ACTA2: variants seen among roughly 807,000 people sequenced by gnomAD.
ACTA2 encodes the protein actin alpha 2, smooth muscle, also known as actin, aortic smooth muscle.
Under a neutral mutation model 39.5 loss-of-function variants are expected in ACTA2, and 12 were observed. The ratio of observed to expected loss-of-function variants is 0.30; its 90% CI spans 0.19 to 0.49. ACTA2 has a LOEUF of 0.49. Among genes scored for constraint, ACTA2 ranks in the 20% least tolerant of loss-of-function variants. The probability of loss-of-function intolerance (pLI) is 0.99; values close to 1 mark genes in which losing one functional copy is unlikely to be tolerated. For synonymous variants in ACTA2, 158 were observed against 180.6 expected (o/e 0.88, Z 1.00); for missense variants, 236 against 498.8 (o/e 0.47, Z 5.02).
chr10:88,956,578 T>A (rs757866473), upstream of ACTA2, among the ~76,000 whole-genome samples: 1 of 152,308 alleles, frequency 6.6e-6, no homozygotes, highest in Non-Finnish European at 1.5e-5. Context: ...TTTAGGGGAT[T>A]AGTAGGTGAA....
At chr10:88,949,593 C>T (rs970480364) in intron 1 of ACTA2, among the ~76,000 whole-genome samples, 3 of 152,014 alleles carry the variant, frequency 2.0e-5, no homozygotes, top group Admixed American at 6.6e-5. Flanking sequence ...AATTATCCAC[C>T]GTTAATAAAA....
At chr10:88,978,723 G>C (rs902780160) in intron 1 of ACTA2, among the ~76,000 whole-genome samples, 1 of 152,080 alleles carries the variant, frequency 6.6e-6, no homozygotes, top group Non-Finnish European at 1.5e-5. Context: ...TAGGTGTCTG[G>C]GTCACCCTGA....
chr10:88,959,223 T>TG (rs1846188442), intron 1 of ACTA2, among the ~76,000 whole-genome samples: 1 of 152,190 alleles, frequency 6.6e-6, no homozygotes, highest in African/African-American at 2.4e-5. Flanking sequence ...ACTTCCATAT[T>TG]GGACAGCACA....
intron 1 of ACTA2, among the ~76,000 whole-genome samples, chr10:88,976,939 G>A (rs1846578395): frequency 6.6e-6 from 1 of 152,172 alleles, no homozygotes; most frequent in African/African-American, 2.4e-5. Context: ...CTTATATCTG[G>A]TGAAGGTAAT....
chr10:88,945,361 C>T (rs895153220), intron 3 of ACTA2, among the ~76,000 whole-genome samples: 1 of 152,204 alleles, frequency 6.6e-6, no homozygotes, highest in African/African-American at 2.4e-5. Context: ...TGGAGCATTA[C>T]TGCTGATAAA....
intron 1 of ACTA2, chr10:88,974,389 A>G (rs1316664344): frequency 6.6e-6 from 1 of 152,238 alleles, no homozygotes; most frequent in Non-Finnish European, 1.5e-5. Context: ...TAAAAGTGAT[A>G]TTGAAACTAA....
In ACTA2 at chr10:88,947,315, C is replaced by T; in HGVS notation, c.201G>A (p.Leu67=). 1 of 1,613,980 alleles carries T rather than the reference C, an allele frequency of 6.2e-7. No individual in the cohort carries two copies. The highest frequency in any genetic ancestry group is 2.2e-5 in the East Asian group (1 of 44,866). ...CATGTTCTATCGGGTACTTCAGGGT[C>T]AGGATTCCTCTTTTGCTCTGTGCTT... ...GDEAQSKRGI[L]TLKYPIEHGI... Residue 67 remains leucine, a synonymous_variant, in exon 3 of 9, where the codon CTG becomes CTA. Coordinates refer to ENST00000224784, the MANE Select transcript of ACTA2 (RefSeq NM_001613.4).
chr10:88,987,977 G>A (rs995964360), intron 1 of ACTA2, among the ~76,000 whole-genome samples: 1 of 152,178 alleles, frequency 6.6e-6, no homozygotes, highest in Admixed American at 6.5e-5. Flanking sequence ...CTTCCACTGA[G>A]TGAGTGAGAA....
intron 1 of ACTA2, among the ~76,000 whole-genome samples, chr10:88,958,755 TG>T (rs1846178394): frequency 6.6e-6 from 1 of 152,192 alleles, no homozygotes; most frequent in South Asian, 2.1e-4. Flanking sequence ...TAGACCCAAC[TG>T]CCCCAGCTTC....
In ACTA2 at chr10:88,938,403, A is replaced by C. The variant is rs568762008; in HGVS notation, c.809-161T>G. The C allele has an allele frequency of 7.7e-5, 59 of 770,962 alleles. No homozygotes were observed. The African/African-American group carries it at 8.8e-4, about 11-fold the overall frequency. 47.8% of individuals were successfully genotyped at this position (770,962 alleles called of 1,614,324 possible). On this transcript the variant is annotated intron_variant, in intron 7 of 8. Transcript: ENST00000224784. ...GTCTGAGAGACAAAAGGGTCTTGTTATGCTCTATGTCTTCCTGCCTGCCTT... is the reference window on the plus strand; with the variant it reads ...GTCTGAGAGACAAAAGGGTCTTGTTCTGCTCTATGTCTTCCTGCCTGCCTT...
At chr10:88,966,390 T>C (rs1564654816) in intron 1 of ACTA2, among the ~76,000 whole-genome samples, 1 of 152,202 alleles carries the variant, frequency 6.6e-6, no homozygotes, top group African/African-American at 2.4e-5. Context: ...TGATTGTCTG[T>C]GTGGCTTTGA....
chr10:88,962,572 A>G, intron 1 of ACTA2, among the ~76,000 whole-genome samples: 1 of 152,148 alleles, frequency 6.6e-6, no homozygotes, highest in East Asian at 1.9e-4. Flanking sequence ...GCTCTTGGCT[A>G]ATTGTCTTTG....
chr10:88,985,637 TA>T (rs1056543982), intron 1 of ACTA2, among the ~76,000 whole-genome samples: 1 of 152,122 alleles, frequency 6.6e-6, no homozygotes, highest in Non-Finnish European at 1.5e-5. Flanking sequence ...GGTGCCCTGG[TA>T]AAGAGTCCCC....
chr10:88,965,693 C>A (rs1387082804), intron 1 of ACTA2, among the ~76,000 whole-genome samples: 1 of 152,142 alleles, frequency 6.6e-6, no homozygotes, highest in Non-Finnish European at 1.5e-5. Context: ...GACCATCATG[C>A]TTTCCCCTGC....
In ACTA2 at chr10:88,935,132, G is replaced by T; in HGVS notation, c.*91C>A. On this transcript the variant is annotated 3_prime_UTR_variant, in exon 9 of 9. Coordinates refer to ENST00000224784, the MANE Select transcript of ACTA2 (RefSeq NM_001613.4). ...CACATAGGTAACGAGTCAGAGCTTT[G>T]GCTAGGAATGATTTGGAAAAGAACT... 1 of 1,558,668 alleles carries T rather than the reference G, an allele frequency of 6.4e-7. No homozygotes were observed. The highest frequency in any genetic ancestry group is 1.4e-5 in the African/African-American group (1 of 73,840).
chr10:88,963,602 T>G (rs1219497827), intron 1 of ACTA2, among the ~76,000 whole-genome samples: 1 of 152,138 alleles, frequency 6.6e-6, no homozygotes, highest in Non-Finnish European at 1.5e-5. Flanking sequence ...TTTAAACCAA[T>G]AGCAAATACT....
intron 1 of ACTA2, among the ~76,000 whole-genome samples, chr10:88,951,623 C>G (rs1003494085): frequency 6.6e-6 from 1 of 152,190 alleles, no homozygotes. Context: ...CAGCTCCTCT[C>G]TAACCTGAAT....
chr10:88,983,624 AAAAAAAAAAAAAAAAC>A (rs1366819176), intron 1 of ACTA2, among the ~76,000 whole-genome samples: 2 of 147,206 alleles, frequency 1.4e-5, no homozygotes, highest in African/African-American at 5.0e-5. Flanking sequence ...AAAAAAAAAA[AAAAAAAAAAAAAAAAC>A]ACACACACAC....
intron 1 of ACTA2, among the ~76,000 whole-genome samples, chr10:88,961,238 C>G (rs1318365339): frequency 6.6e-6 from 1 of 152,136 alleles, no homozygotes; most frequent in Non-Finnish European, 1.5e-5. Context: ...GTTAAAGTTT[C>G]TAACAACCTA....
Sources: allele counts gnomAD v4.1 joint callset (sites outside exome capture counted in the v4.1 genomes callset), GRCh38; gene constraint gnomAD v4.1.1; transcripts MANE v1.5; gene names NCBI Gene and HGNC (gene_info 2026-07-23, HGNC 2026-07-21).